ACOT11: variants seen among roughly 807,000 people sequenced by gnomAD.
The protein encoded by ACOT11 is acyl-coenzyme A thioesterase 11.
In ACOT11, 69 loss-of-function variants were observed where a neutral mutation model predicts 77.5. The ratio of observed to expected loss-of-function variants is 0.89; its 90% confidence interval spans 0.73 to 1.09. The LOEUF is 1.09. ACOT11 is among the 50% of genes least tolerant of loss of function. The probability of loss-of-function intolerance (pLI) is 0.00; values close to 1 mark genes in which losing one functional copy is unlikely to be tolerated. For missense variants in ACOT11, 766 were observed against 813.7 expected, an observed-to-expected ratio of 0.94 and a Z score of 0.71; for synonymous variants, 279 against 313.0, an observed-to-expected ratio of 0.89 and a Z score of 1.15.
At chr1:54,590,454 G>A (rs931651213) in intron 3 of ACOT11, among the ~76,000 whole-genome samples, 1 of 152,148 alleles carries the variant, frequency 6.6e-6, no homozygotes, top group African/African-American at 2.4e-5. Context: ...TGGGGACAGA[G>A]GGCAGTCAGG....
chr1:54,601,471 T>C, intron 9 of ACOT11, 58 bp downstream of exon 9: 5 of 1,580,912 alleles, frequency 3.2e-6, no homozygotes, highest in Non-Finnish European at 4.3e-6. Context: ...CTCTCTGCCC[T>C]GGCATGGTGG....
At chr1:54,563,257 G>T (rs1427392931) in intron 1 of ACOT11, among the ~76,000 whole-genome samples, 1 of 152,242 alleles carries the variant, frequency 6.6e-6, no homozygotes, top group Admixed American at 6.5e-5. Flanking sequence ...AAAGTGCTGG[G>T]ATTATAGGTG....
At chr1:54,596,967 C>A (rs1253508710) in intron 6 of ACOT11, among the ~76,000 whole-genome samples, 1 of 152,192 alleles carries the variant, frequency 6.6e-6, no homozygotes, top group East Asian at 1.9e-4. Context: ...ATGAGGCAAC[C>A]GAGGCTCAGA....
intron 7 of ACOT11, chr1:54,597,990 C>T (rs1237689568): frequency 6.5e-6 from 1 of 153,478 alleles, no homozygotes; most frequent in African/African-American, 2.4e-5. Flanking sequence ...GGTAACTGAC[C>T]TTCACTAATT....
rs140010341 is a variant in ACOT11, at chr1:54,555,716, A to G, written c.33+7374A>G. The stretch of plus-strand genomic sequence containing the variant: ...TAATTTTGTAGTTTGGGGGTCGTAC[A>G]TTTAAGTCTTTAACTCATTTTTATT... On this transcript the variant is annotated intron_variant, in intron 1 of 15. Coordinates refer to ENST00000343744, the MANE Select transcript of ACOT11 (RefSeq NM_147161.4). 5.4e-3 allele frequency among the ~76,000 whole-genome samples: 814 copies of G among 151,942 alleles called. 7 individuals carry two copies. The highest frequency in any genetic ancestry group is 0.017 in the African/African-American group (722 of 41,472).
intron 1 of ACOT11, among the ~76,000 whole-genome samples, chr1:54,580,985 G>A (rs1190721209): frequency 6.6e-6 from 1 of 152,190 alleles, no homozygotes; most frequent in African/African-American, 2.4e-5. Context: ...GGGGTGAGTG[G>A]CAGGAGCTAC....
intron 11 of ACOT11, 100 bp from the exon 12 acceptor site, chr1:54,604,246 C>T: frequency 2.7e-6 from 3 of 1,124,952 alleles, no homozygotes; most frequent in Non-Finnish European, 3.9e-6. Context: ...CCGCCCAACC[C>T]ATTCCTGGCC....
At chr1:54,610,864 T>C, downstream of ACOT11, 4 of 985,338 alleles carry the variant, frequency 4.1e-6, no homozygotes, top group Non-Finnish European at 4.8e-6. Flanking sequence ...TGGGGCCTCT[T>C]TGAGATGGCT....
At chr1:54,552,844 T>A (rs1569630117) in intron 1 of ACOT11, among the ~76,000 whole-genome samples, 3 of 127,114 alleles carry the variant, frequency 2.4e-5, no homozygotes, top group Non-Finnish European at 3.4e-5. Flanking sequence ...TTTTTTTTTT[T>A]GAGACGGAGT....
chr1:54,570,681 CTTT>C (rs35537173), intron 1 of ACOT11, among the ~76,000 whole-genome samples: 2 of 146,660 alleles, frequency 1.4e-5, no homozygotes, highest in African/African-American at 5.1e-5. Context: ...CGTGCCTGGC[CTTT>C]TTTTTTTTTT....
chr1:54,558,728 G>A (rs1044828340), intron 1 of ACOT11, among the ~76,000 whole-genome samples: 26 of 152,222 alleles, frequency 1.7e-4, no homozygotes, highest in Non-Finnish European at 4.4e-5. Flanking sequence ...GGAGTGGAGG[G>A]AGCAAAGGGA....
At chr1:54,599,516 C>G (rs1431670979) in intron 8 of ACOT11, 101 bp downstream of exon 8, 5 of 1,268,828 alleles carry the variant, frequency 3.9e-6, no homozygotes, top group Admixed American at 5.2e-5. Context: ...GCCCTTTGCC[C>G]TGCAGACAGG....
At position 54,604,444 on chromosome 1, in the gene ACOT11, C is replaced by T. The variant is rs1428247865; in HGVS notation, c.1236+15C>T. 6 of 1,613,274 alleles carry T rather than the reference C, an allele frequency of 3.7e-6. No homozygotes were observed. Among genetic ancestry groups the T allele is most frequent in the Non-Finnish European group, 5.1e-6 (6 of 1,179,550 alleles). ...AGATCAGTCAGGTAGCTGACCCCAC[C>T]CACCCAATTTTCCTTTCTCATCTGA... On this transcript the variant is annotated intron_variant, in intron 12 of 15. Coordinates refer to ENST00000343744, the MANE Select transcript of ACOT11 (RefSeq NM_147161.4).
intron 1 of ACOT11, among the ~76,000 whole-genome samples, chr1:54,552,791 C>T (rs1653114331): frequency 7.3e-6 from 1 of 137,714 alleles, no homozygotes; most frequent in African/African-American, 2.8e-5. Flanking sequence ...CCGGCCCACT[C>T]TTAGTGTTGT....
intron 8 of ACOT11, 31 bp downstream of exon 8, chr1:54,599,446 C>A: frequency 6.3e-7 from 1 of 1,575,368 alleles, no homozygotes; most frequent in Non-Finnish European, 8.6e-7. Flanking sequence ...CGGCCACGTC[C>A]ATTCAGGGCT....
At chr1:54,574,811 T>C (rs1654048766) in intron 1 of ACOT11, among the ~76,000 whole-genome samples, 1 of 152,178 alleles carries the variant, frequency 6.6e-6, no homozygotes, top group Non-Finnish European at 1.5e-5. Context: ...TGCTAGAGTC[T>C]GGTTGTTTAG....
intron 7 of ACOT11, chr1:54,598,188 A>G (rs548389287): frequency 6.6e-6 from 1 of 152,338 alleles, no homozygotes; most frequent in African/African-American, 2.4e-5. Flanking sequence ...AGGCCTGGCT[A>G]TGAGTGCAGT....
intron 1 of ACOT11, among the ~76,000 whole-genome samples, chr1:54,559,014 A>T (rs905722696): frequency 1.3e-5 from 2 of 151,790 alleles, no homozygotes; most frequent in Non-Finnish European, 2.9e-5. Context: ...TCACCCCCTG[A>T]CTCCTCACAA....
At chr1:54,611,016 G>A (rs1209824270), downstream of ACOT11, 1 of 985,258 alleles carries the variant, frequency 1.0e-6, no homozygotes, top group Non-Finnish European at 1.2e-6. Context: ...GGAAATAATG[G>A]GGGGTTTGGA....
Sources: gnomAD v4.1 joint callset for allele counts (sites outside exome capture counted in the v4.1 genomes callset) on GRCh38, gnomAD v4.1.1 for gene constraint, MANE v1.5 for transcripts, NCBI Gene and HGNC (gene_info 2026-07-23, HGNC 2026-07-21) for gene names.